KIF20B: variants seen among roughly 807,000 people sequenced by gnomAD.
The protein encoded by KIF20B is kinesin-like protein KIF20B.
Under a neutral mutation model 232.5 loss-of-function variants are expected in KIF20B, and 188 were observed. The ratio of observed to expected loss-of-function variants is 0.81; its 90% CI spans 0.72 to 0.91. The LOEUF (loss-of-function observed/expected upper bound fraction) is 0.91. KIF20B is among the 40% of genes least tolerant of loss of function. The probability of loss-of-function intolerance (pLI) is 0.00; values close to 1 mark genes in which losing one functional copy is unlikely to be tolerated. For missense variants in KIF20B, 2,154 were observed against 2,055.9 expected (o/e 1.05, Z -0.92); for synonymous variants, 712 against 683.0 (o/e 1.04, Z -0.66).
At chr10:89,708,554 C>T (rs1842774304) in intron 2 of KIF20B, among the ~76,000 whole-genome samples, 1 of 140,180 alleles carries the variant, frequency 7.1e-6, no homozygotes, top group Admixed American at 7.0e-5. Flanking sequence ...TGTTAAACTA[C>T]TAGGGCCTGA....
chr10:89,754,693 T>C lies in KIF20B; in HGVS notation c.4503+20T>C, dbSNP rs772494777. 2.0e-6 allele frequency: 3 copies of C among 1,481,934 alleles called. No individual in the cohort carries two copies. In the South Asian group the frequency reaches 4.5e-5, roughly 22 times the overall value. The allele number at this position is 1,481,934 out of a possible 1,614,324, so 91.8% of individuals were successfully genotyped here. On this transcript the variant is annotated intron_variant, in intron 26 of 32. Coordinates refer to ENST00000371728, the MANE Select transcript of KIF20B (RefSeq NM_001284259.2). ...GAAATGGTTAGTAACAATTGTATCT[T>C]TGATGTATTTCACCTACTTTCCTTG...
chr10:89,770,208 A>G (rs1842436927), intron 31 of KIF20B, among the ~76,000 whole-genome samples: 1 of 152,092 alleles, frequency 6.6e-6, no homozygotes, highest in Non-Finnish European at 1.5e-5. Flanking sequence ...GCTATTGAGC[A>G]TCACTATTTT....
rs1030378547 is a variant in KIF20B, at chr10:89,774,586, A to G, written c.*538A>G. The G allele has an allele frequency of 1.3e-5, 2 of 152,094 alleles. No individual in the cohort carries two copies. The highest frequency in any genetic ancestry group is 4.8e-5 in the African/African-American group (2 of 41,544). 9.4% of individuals were successfully genotyped at this position (152,094 alleles called of 1,614,324 possible). A position where few individuals can be genotyped will look rare whatever the true frequency, so the allele number is the denominator to read the frequency against. On this transcript the variant is annotated 3_prime_UTR_variant, in exon 33 of 33. Coordinates refer to ENST00000371728, the MANE Select transcript of KIF20B (RefSeq NM_001284259.2). ...TAGTACATGTATATATTTACGGGGT[A>G]TGTGAGATGTTTTGACACAGGCATG...
At chr10:89,724,199 T>G (rs1168129015) in intron 14 of KIF20B, 96 bp downstream of exon 14, 1 of 1,161,482 alleles carries the variant, frequency 8.6e-7, no homozygotes, top group East Asian at 2.9e-5. Flanking sequence ...ATTAGGTGGC[T>G]TCTGAATTCT....
intron 2 of KIF20B, among the ~76,000 whole-genome samples, chr10:89,706,024 T>C (rs1048543774): frequency 6.6e-6 from 1 of 152,222 alleles, no homozygotes; most frequent in Admixed American, 6.5e-5. Flanking sequence ...GTTTTCATTT[T>C]TCTTTGGTAA....
rs115390344 is a variant in KIF20B at position 89,774,075 on chromosome 10, A to G, written c.*27A>G. ...TCACTTATGGAAATGTTTAATATAA[A>G]TTTTATAGTCATAGTCATTGGAACT... On this transcript the variant is annotated 3_prime_UTR_variant, in exon 33 of 33. Transcript: ENST00000371728. 1 of 1,430,250 alleles carries G rather than the reference A, an allele frequency of 7.0e-7. No individual in the cohort carries two copies. The highest frequency in any genetic ancestry group is 1.4e-5 in the South Asian group (1 of 74,062). 88.6% of individuals were successfully genotyped at this position (1,430,250 alleles called of 1,614,324 possible). A position where few individuals can be genotyped will look rare whatever the true frequency, so the allele number is the denominator to read the frequency against.
intron 29 of KIF20B, among the ~76,000 whole-genome samples, chr10:89,765,037 G>A (rs1364394508): frequency 9.2e-5 from 14 of 151,606 alleles, no homozygotes; most frequent in Middle Eastern, 3.4e-3. Flanking sequence ...TAGGTCTAAC[G>A]TTTAAGTCTT....
intron 4 of KIF20B, among the ~76,000 whole-genome samples, 155 bp downstream of exon 4, chr10:89,709,616 A>G (rs11185848): frequency 0.017 from 2,623 of 152,090 alleles, 132 homozygotes; most frequent in South Asian, 0.17. Context: ...GGAAATATAT[A>G]ATTGGATGTA....
intron 29 of KIF20B, among the ~76,000 whole-genome samples, chr10:89,765,123 A>T (rs555646315): frequency 4.4e-4 from 67 of 151,994 alleles, no homozygotes; most frequent in Non-Finnish European, 3.7e-4. Context: ...ATGGCTAGCC[A>T]GTTTTCCCAG....
At chr10:89,742,373 G>A (rs929275097) in intron 21 of KIF20B, among the ~76,000 whole-genome samples, 1 of 152,068 alleles carries the variant, frequency 6.6e-6, no homozygotes. Flanking sequence ...TGGATAAGGG[G>A]GAACTTGTCC....
At chr10:89,733,215 G>T in intron 19 of KIF20B, 159 bp downstream of exon 19, 1 of 663,764 alleles carries the variant, frequency 1.5e-6, no homozygotes, top group Non-Finnish European at 2.6e-6. Flanking sequence ...ACATTTTCTA[G>T]GGATGGGCAT....
intron 24 of KIF20B, among the ~76,000 whole-genome samples, chr10:89,751,857 T>G (rs994288558): frequency 6.6e-6 from 1 of 151,814 alleles, no homozygotes; most frequent in Non-Finnish European, 1.5e-5. Flanking sequence ...ACCATCAGAG[T>G]TTTTCTAGAG....
chr10:89,746,937 T>C (rs1204629461), intron 23 of KIF20B, among the ~76,000 whole-genome samples: 1 of 152,248 alleles, frequency 6.6e-6, no homozygotes, highest in Admixed American at 6.5e-5. Context: ...GCAACATTGA[T>C]TTCTTGTAAT....
chr10:89,762,556 A>T (rs1842264933), intron 28 of KIF20B, 82 bp from the exon 29 acceptor site: 3 of 1,012,178 alleles, frequency 3.0e-6, no homozygotes, highest in African/African-American at 3.2e-5. Context: ...TGTCTTGGAT[A>T]GGCATTTGAG....
chr10:89,761,301 A>G (rs1009690661), intron 28 of KIF20B, among the ~76,000 whole-genome samples: 2 of 152,046 alleles, frequency 1.3e-5, no homozygotes, highest in African/African-American at 4.8e-5. Context: ...GACTTGTTTG[A>G]TTTTACTTCA....
chr10:89,758,955 A>G, intron 27 of KIF20B, 73 bp downstream of exon 27: 1 of 969,822 alleles, frequency 1.0e-6, no homozygotes, highest in Admixed American at 3.4e-5. Context: ...CTTAAAGAAT[A>G]AAAAAGTGTA....
At chr10:89,729,630 A>C (rs1196233808) in intron 18 of KIF20B, among the ~76,000 whole-genome samples, 1 of 150,970 alleles carries the variant, frequency 6.6e-6, no homozygotes, top group East Asian at 1.9e-4. Context: ...CAGTAAAATT[A>C]GGTTTTTCCT....
Position 89,737,832 on chromosome 10 carries a change from A to G in KIF20B, c.2991A>G (p.Ser997=), listed in dbSNP as rs1479852335. 1 of 1,613,514 alleles carries G rather than the reference A, an allele frequency of 6.2e-7. No individual in the cohort carries two copies. Among genetic ancestry groups the G allele is most frequent in the Non-Finnish European group, 8.5e-7 (1 of 1,179,600 alleles). ...TKIDELRTLD[S]VSQISNIDLL... ...TAGACGAACTACGTACTCTTGATTC[A>G]GTTTCTCAGATTTCAAACATAGATT... The change falls in exon 20 of 33, where the codon TCA becomes TCG. Residue 997 remains serine, a synonymous_variant. Coordinates refer to ENST00000371728, the MANE Select transcript of KIF20B (RefSeq NM_001284259.2).
At chr10:89,740,251 A>G (rs1202084010) in intron 21 of KIF20B, among the ~76,000 whole-genome samples, 1 of 136,582 alleles carries the variant, frequency 7.3e-6, no homozygotes, top group African/African-American at 2.7e-5. Flanking sequence ...TTTTTTTTTT[A>G]AAGTATGTAG....
Sources: gnomAD v4.1 joint callset for allele counts (sites outside exome capture counted in the v4.1 genomes callset) on GRCh38, gnomAD v4.1.1 for gene constraint, MANE v1.5 for transcripts, NCBI Gene and HGNC (gene_info 2026-07-23, HGNC 2026-07-21) for gene names.